The following CLTCL1 variants were observed in gnomAD, a reference collection of about 807,000 sequenced individuals.
The protein encoded by CLTCL1 is clathrin heavy chain 2.
A neutral mutation model predicts 190.0 loss-of-function variants in CLTCL1; 159 were observed. The observed-to-expected ratio is 0.84, with a 90% CI of 0.74 to 0.95. CLTCL1 has a LOEUF of 0.95. CLTCL1 is among the 40% of genes least tolerant of loss of function. The probability of loss-of-function intolerance (pLI) is 0.00; values close to 1 mark genes in which losing one functional copy is unlikely to be tolerated. For missense variants in CLTCL1, 1,878 were observed against 2,033.4 expected (o/e 0.92, Z 1.47); for synonymous variants, 752 against 769.6 (o/e 0.98, Z 0.38).
intron 1 of CLTCL1, among the ~76,000 whole-genome samples, chr22:19,287,786 G>T (rs1431222086): frequency 6.6e-6 from 1 of 152,112 alleles, no homozygotes; most frequent in Non-Finnish European, 1.5e-5. Flanking sequence ...CACTGGACAA[G>T]ATACACATCT....
rs2084070100 is a variant in CLTCL1, at chr22:19,179,911, G to A, written c.*79C>T. 2.1e-6 allele frequency: 1 copy of A among 471,666 alleles called. No homozygotes were observed. The highest frequency in any genetic ancestry group is 2.7e-5 in the South Asian group (1 of 36,772). The allele number at this position is 471,666 out of a possible 1,614,324, so 29.2% of individuals were successfully genotyped here. On this transcript the variant is annotated 3_prime_UTR_variant, in exon 33 of 33. Transcript: ENST00000427926. Reference sequence around the variant, plus strand: ...AAGTTGTACATTGGAGGCTGGCGAAGTTGGGAGCAGAGGCATATCCATAGG... The same window carrying A: ...AAGTTGTACATTGGAGGCTGGCGAAATTGGGAGCAGAGGCATATCCATAGG...
At chr22:19,244,169 A>T (rs2086347075) in intron 3 of CLTCL1, among the ~76,000 whole-genome samples, 1 of 152,184 alleles carries the variant, frequency 6.6e-6, no homozygotes, top group Non-Finnish European at 1.5e-5. Context: ...TCCTCAGTCT[A>T]TTCCTCACTC....
intron 29 of CLTCL1, chr22:19,184,495 G>A (rs782618723): frequency 4.4e-6 from 2 of 456,046 alleles, no homozygotes; most frequent in South Asian, 3.1e-5. Flanking sequence ...TCCCCCGCTG[G>A]CATGCTGCTC....
chr22:19,182,862 G>C (rs1243261805), intron 30 of CLTCL1: 1 of 161,324 alleles, frequency 6.2e-6, no homozygotes, highest in Admixed American at 6.0e-5. Context: ...CACCCAGGGA[G>C]AGTTTTACAA....
intron 16 of CLTCL1, 48 bp downstream of exon 16, chr22:19,221,903 A>C: frequency 6.3e-7 from 1 of 1,598,402 alleles, no homozygotes; most frequent in South Asian, 1.1e-5. Flanking sequence ...ACAACAACAG[A>C]CACTAGAATC....
intron 30 of CLTCL1, chr22:19,182,499 A>G (rs1274458369): frequency 2.0e-5 from 3 of 152,240 alleles, no homozygotes; most frequent in African/African-American, 7.2e-5. Flanking sequence ...ACGGCCTTGA[A>G]TGGACTCTGG....
rs1299348777 is a variant in CLTCL1 at position 19,235,953 on chromosome 22, A to G, written c.796-84T>C. 2.4e-6 allele frequency: 3 copies of G among 1,231,446 alleles called. No individual in the cohort carries two copies. In the African/African-American group the frequency reaches 4.6e-5, roughly 19 times the overall value. 76.3% of individuals were successfully genotyped at this position (1,231,446 alleles called of 1,614,324 possible). A position where few individuals can be genotyped will look rare whatever the true frequency, so the allele number is the denominator to read the frequency against. The stretch of plus-strand genomic sequence containing the variant: ...AAAGAGCTCACAAATGATAAAGAGG[A>G]TTCTTGTTTGTTTGTTTGTTTTTTG... On this transcript the variant is annotated intron_variant, in intron 5 of 32. Transcript: ENST00000427926.
chr22:19,198,898 C>A lies in CLTCL1; in HGVS notation c.3873+836G>T, dbSNP rs60699167. 6.6e-6 allele frequency among the ~76,000 whole-genome samples: 1 copy of A among 152,160 alleles called. No homozygotes were observed. The highest frequency in any genetic ancestry group is 1.5e-5 in the Non-Finnish European group (1 of 68,040). On this transcript the variant is annotated intron_variant, in intron 24 of 32. Transcript: ENST00000427926. This position sits in a 1 kb window ranked among gnomAD's most constrained non-coding sequence, Gnocchi z 4.1. ...TCAAAGATTTGCTGACTAAATTGTT[C>A]TTTTGTCAGCCCTGTACTGCTTGAT... is the stretch of plus-strand genomic sequence containing the variant.
chr22:19,183,346 A>T, intron 30 of CLTCL1, 44 bp downstream of exon 30: 1 of 1,560,868 alleles, frequency 6.4e-7, no homozygotes, highest in Non-Finnish European at 8.8e-7. Context: ...GGGTTGGGTC[A>T]TGCCACACAG....
At chr22:19,250,304 C>T (rs147206971) in intron 3 of CLTCL1, among the ~76,000 whole-genome samples, 306 of 148,612 alleles carry the variant, frequency 2.1e-3, no homozygotes, top group African/African-American at 7.2e-3. Flanking sequence ...TTTTTGGGCA[C>T]ATCACTTTTC....
chr22:19,257,891 C>A lies in CLTCL1; in HGVS notation c.251-3664G>T, dbSNP rs922901406. On this transcript the variant is annotated intron_variant, in intron 2 of 32. Coordinates refer to ENST00000427926, the MANE Select transcript of CLTCL1 (RefSeq NM_007098.4). ...ACCTGGAGAAGAAGAGACCCCAGGT[C>A]AGAGACTGGGCCATTACTTCAAGAC... The A allele has an allele frequency of 2.2e-6, 3 of 1,373,518 alleles. No homozygotes were observed. The South Asian group carries it at 3.4e-5, about 15-fold the overall frequency. 85.1% of individuals were successfully genotyped at this position (1,373,518 alleles called of 1,614,324 possible).
intron 30 of CLTCL1, chr22:19,182,620 C>T (rs1358939990): frequency 6.6e-6 from 1 of 152,248 alleles, no homozygotes; most frequent in Non-Finnish European, 1.5e-5. Flanking sequence ...CTTCCTACCT[C>T]CCACTCACCT....
chr22:19,221,884 T>C (rs2085582767), intron 16 of CLTCL1, 67 bp downstream of exon 16: 1 of 1,557,018 alleles, frequency 6.4e-7, no homozygotes, highest in African/African-American at 1.4e-5. Context: ...CCTGGAGAAT[T>C]AGACAGAAAC....
intron 2 of CLTCL1, chr22:19,258,132 A>G: frequency 2.6e-6 from 1 of 385,772 alleles, no homozygotes; most frequent in South Asian, 2.0e-5. Flanking sequence ...ACAAAGATTG[A>G]GACTCTCAAG....
intron 2 of CLTCL1, among the ~76,000 whole-genome samples, chr22:19,273,832 G>C (rs541652941): frequency 6.6e-6 from 1 of 151,874 alleles, no homozygotes; most frequent in African/African-American, 2.4e-5. Flanking sequence ...CCTATAAAAG[G>C]CTCTAACACC....
rs140782585 is a variant in CLTCL1, at chr22:19,285,001, C to T, written c.42+6599G>A. Reference sequence around the variant, plus strand: ...CATTTTATATTTGAAACACGCTGGGCGCGGTGGCTCACGCCTGTAATCCCA... The same window carrying T: ...CATTTTATATTTGAAACACGCTGGGTGCGGTGGCTCACGCCTGTAATCCCA... On this transcript the variant is annotated intron_variant, in intron 1 of 32. Coordinates refer to ENST00000427926, the MANE Select transcript of CLTCL1 (RefSeq NM_007098.4). Among the ~76,000 whole-genome samples the T allele has an allele frequency of 6.5e-3, 950 of 145,468 alleles. 3 individuals carry two copies. Among genetic ancestry groups the T allele is most frequent in the African/African-American group, 0.012 (456 of 39,182 alleles).
At chr22:19,225,332 C>G (rs1569194092) in intron 13 of CLTCL1, 121 bp downstream of exon 13, 4 of 1,028,972 alleles carry the variant, frequency 3.9e-6, no homozygotes, top group Non-Finnish European at 5.5e-6. Flanking sequence ...CCCAAGGCAG[C>G]CAGTGCTGCA....
chr22:19,210,650 AAC>A (rs1370203551), intron 19 of CLTCL1, 141 bp from the exon 20 acceptor site: 3 of 626,616 alleles, frequency 4.8e-6, no homozygotes, highest in Non-Finnish European at 8.2e-6. Flanking sequence ...AAGTAAATAC[AAC>A]AGAGTATTTG....
chr22:19,204,132 AC>A (rs1454495041), intron 22 of CLTCL1, among the ~76,000 whole-genome samples: 1 of 152,090 alleles, frequency 6.6e-6, no homozygotes, highest in African/African-American at 2.4e-5. Flanking sequence ...GGTTCCGCTG[AC>A]CCCTAGACCA....
Sources: gnomAD v4.1 joint callset for allele counts (sites outside exome capture counted in the v4.1 genomes callset) on GRCh38, gnomAD v4.1.1 for gene constraint, Gnocchi (gnomAD v3.1) non-coding constraint, MANE v1.5 for transcripts, NCBI Gene and HGNC (gene_info 2026-07-23, HGNC 2026-07-21) for gene names.